Variants in PLPP1 observed in about 807,000 individuals in gnomAD.
PLPP1 encodes phospholipid phosphatase 1, also known as lipid phosphate phosphohydrolase 1a.
Under a neutral mutation model 31.2 loss-of-function variants are expected in PLPP1, and 24 were observed. The observed-to-expected ratio is 0.77, with a 90% CI of 0.56 to 1.08. The LOEUF (loss-of-function observed/expected upper bound fraction) is 1.08, where lower values mean the gene tolerates loss of function less well. PLPP1 is among the 50% of genes least tolerant of loss of function. PLPP1 has a pLI of 0.00. For synonymous variants in PLPP1, 146 were observed against 126.3 expected (o/e 1.16, Z -1.05); for missense variants, 319 against 342.7 (o/e 0.93, Z 0.55).
At chr5:55,498,691 C>T (rs1017477457) in intron 1 of PLPP1, among the ~76,000 whole-genome samples, 3 of 151,026 alleles carry the variant, frequency 2.0e-5, no homozygotes, top group African/African-American at 7.3e-5. Flanking sequence ...AACAAACAAA[C>T]CAAGAAGGGA....
chr5:55,517,601 G>A (rs1428672290), intron 1 of PLPP1, among the ~76,000 whole-genome samples: 2 of 152,114 alleles, frequency 1.3e-5, no homozygotes, highest in Non-Finnish European at 2.9e-5. Context: ...TCTAGAATAC[G>A]GACCTAATTA....
intron 1 of PLPP1, among the ~76,000 whole-genome samples, chr5:55,523,153 A>G (rs1269931214): frequency 6.6e-6 from 1 of 152,072 alleles, no homozygotes; most frequent in Non-Finnish European, 1.5e-5. Context: ...ATATCTTGAT[A>G]GAGGTATATA....
intron 1 of PLPP1, among the ~76,000 whole-genome samples, chr5:55,499,423 T>A (rs1209196053): frequency 6.6e-6 from 1 of 152,234 alleles, no homozygotes; most frequent in Non-Finnish European, 1.5e-5. Flanking sequence ...GGACAAATTA[T>A]AATGTGGTCT....
intron 1 of PLPP1, among the ~76,000 whole-genome samples, chr5:55,491,479 T>C (rs1752886442): frequency 6.6e-6 from 1 of 152,240 alleles, no homozygotes; most frequent in Non-Finnish European, 1.5e-5. Flanking sequence ...TGAATTGCTT[T>C]ACATTAAACT....
intron 1 of PLPP1, among the ~76,000 whole-genome samples, chr5:55,496,209 A>G (rs918484772): frequency 7.4e-6 from 1 of 134,570 alleles, no homozygotes; most frequent in African/African-American, 3.2e-5. Flanking sequence ...GTTCTGTGTT[A>G]AAGTTAGTGT....
intron 2 of PLPP1, among the ~76,000 whole-genome samples, chr5:55,474,189 G>A (rs908452962): frequency 6.6e-6 from 1 of 151,452 alleles, no homozygotes; most frequent in Admixed American, 6.6e-5. Context: ...TAGAGACGGG[G>A]TTTCACCAGG....
chr5:55,497,620 C>T (rs1753030975), intron 1 of PLPP1, among the ~76,000 whole-genome samples: 1 of 152,078 alleles, frequency 6.6e-6, no homozygotes, highest in Admixed American at 6.6e-5. Flanking sequence ...TAACTGCAAG[C>T]ATGACTGACA....
rs188668314 is a variant in PLPP1 at position 55,514,282 on chromosome 5, G to A, written c.58+20290C>T. ...CACCTGTAATCCCAGCTACTCAGGA[G>A]GCTGAGGTGGGAGGATCAAATTGAG... On this transcript the variant is annotated intron_variant, in intron 1 of 5. Coordinates refer to ENST00000307259, the MANE Select transcript of PLPP1 (RefSeq NM_003711.4). 4.8e-3 allele frequency among the ~76,000 whole-genome samples: 730 copies of A among 152,098 alleles called. 5 individuals are homozygous for A. The highest frequency in any genetic ancestry group is 0.017 in the African/African-American group (705 of 41,466).
rs116722458 is a variant in PLPP1, at chr5:55,527,115, G to A, written c.58+7457C>T. ...GAACAAATAAATGTTACGAGAAAAG[G>A]GAAGGCACAAAATGCTGGAAACTAT... is the stretch of plus-strand genomic sequence containing the variant. On this transcript the variant is annotated intron_variant, in intron 1 of 5. Transcript: ENST00000307259. Among the ~76,000 whole-genome samples, 360 of 152,114 alleles carry A rather than the reference G, an allele frequency of 2.4e-3. 3 individuals are homozygous for A. The highest frequency in any genetic ancestry group is 8.1e-3 in the African/African-American group (336 of 41,468).
chr5:55,468,188 A>C (rs1268289224), intron 2 of PLPP1, 39 bp from the exon 3 acceptor site: 13 of 1,494,006 alleles, frequency 8.7e-6, no homozygotes, highest in Admixed American at 2.1e-5. Context: ...TAAAGTAGCA[A>C]GCAGGCACTT....
chr5:55,490,281 G>A (rs953500579), intron 1 of PLPP1, among the ~76,000 whole-genome samples: 1 of 151,082 alleles, frequency 6.6e-6, no homozygotes, highest in African/African-American at 2.4e-5. Flanking sequence ...CTCCCGAGTA[G>A]CTGGGATTAC....
intron 1 of PLPP1, among the ~76,000 whole-genome samples, chr5:55,504,103 G>C (rs1464252557): frequency 6.6e-6 from 1 of 151,880 alleles, no homozygotes; most frequent in Non-Finnish European, 1.5e-5. Context: ...GGGTGTGGTG[G>C]CTCACGCCTA....
chr5:55,481,162 C>T (rs970807302), intron 1 of PLPP1, among the ~76,000 whole-genome samples: 4 of 152,162 alleles, frequency 2.6e-5, no homozygotes, highest in African/African-American at 9.7e-5. Context: ...CTTCCTCTTG[C>T]ACAAATGCTC....
intron 1 of PLPP1, among the ~76,000 whole-genome samples, chr5:55,486,324 C>T (rs1752773719): frequency 6.6e-6 from 1 of 152,178 alleles, no homozygotes; most frequent in Admixed American, 6.5e-5. Flanking sequence ...GTGGTTCACA[C>T]CTGTAATCTC....
At chr5:55,455,017 T>C (rs1390037178) in intron 3 of PLPP1, among the ~76,000 whole-genome samples, 1 of 152,240 alleles carries the variant, frequency 6.6e-6, no homozygotes, top group Non-Finnish European at 1.5e-5. Context: ...TTATTTTATC[T>C]GCATGTGGGT....
intron 3 of PLPP1, among the ~76,000 whole-genome samples, chr5:55,462,959 C>T (rs923362652): frequency 2.0e-5 from 3 of 150,034 alleles, no homozygotes; most frequent in African/African-American, 7.4e-5. Flanking sequence ...GGGGATACAG[C>T]GAGACTCCAT....
chr5:55,501,666 G>A (rs1753148899), intron 1 of PLPP1, among the ~76,000 whole-genome samples: 2 of 152,032 alleles, frequency 1.3e-5, no homozygotes, highest in African/African-American at 4.8e-5. Context: ...TACCAAACCT[G>A]GCTAATTTTG....
In PLPP1 at chr5:55,441,889, G is replaced by A; in HGVS notation, c.511C>T (p.His171Tyr). Reference sequence around the variant, plus strand: ...ATGCAGTACATGGAAAACGAAGAGTGGCCTGAATAGAAGGACAACCTGGAA... The same window carrying A: ...ATGCAGTACATGGAAAACGAAGAGTAGCCTGAATAGAAGGACAACCTGGAA... ...KEGRLSFYSG[H>Y]SSFSMYCMLF... Residue 171 changes from histidine (H) to tyrosine (Y), a missense_variant, in exon 4 of 6, where the codon CAC becomes TAC. By Grantham distance (83) the His-to-Tyr change is moderately conservative. Coordinates refer to ENST00000307259, the MANE Select transcript of PLPP1 (RefSeq NM_003711.4). The A allele has an allele frequency of 1.2e-6, 2 of 1,613,866 alleles. No individual in the cohort carries two copies. The highest frequency in any genetic ancestry group is 1.7e-6 in the Non-Finnish European group (2 of 1,179,768).
At chr5:55,497,534 T>C (rs949132356) in intron 1 of PLPP1, among the ~76,000 whole-genome samples, 3 of 151,180 alleles carry the variant, frequency 2.0e-5, no homozygotes, top group African/African-American at 7.3e-5. Context: ...ATTACACATA[T>C]AAACCACCAT....
Sources: allele counts gnomAD v4.1 joint callset (sites outside exome capture counted in the v4.1 genomes callset), GRCh38; gene constraint gnomAD v4.1.1; transcripts MANE v1.5; gene names NCBI Gene and HGNC (gene_info 2026-07-23, HGNC 2026-07-21).